Variants in RALYL observed in about 807,000 individuals in gnomAD.
RALYL encodes RALY RNA binding protein like, also known as RNA-binding Raly-like protein.
In RALYL, 29 loss-of-function variants were observed where a neutral mutation model predicts 35.1. The ratio of observed to expected loss-of-function variants is 0.83; its 90% CI spans 0.61 to 1.13. The LOEUF (loss-of-function observed/expected upper bound fraction) is 1.13, where lower values mean the gene tolerates loss of function less well. Ranked by LOEUF, RALYL falls within the 50% of genes most tolerant of loss-of-function variation. The pLI, the probability that RALYL is intolerant of heterozygous loss-of-function variation, is 0.00. For missense variants in RALYL, 359 were observed against 360.4 expected, an observed-to-expected ratio of 1.00 and a Z score of 0.03; for synonymous variants, 120 against 127.6, an observed-to-expected ratio of 0.94 and a Z score of 0.40.
intron 2 of RALYL, among the ~76,000 whole-genome samples, chr8:84,548,322 G>A (rs1039520): frequency 0.51 from 76,804 of 151,852 alleles, 19,513 homozygotes; most frequent in East Asian, 0.66. Context: ...CAAATATTTC[G>A]AGTTCTGTCG....
chr8:84,437,634 C>G (rs1355035929), intron 1 of RALYL, among the ~76,000 whole-genome samples: 1 of 151,948 alleles, frequency 6.6e-6, no homozygotes, highest in Non-Finnish European at 1.5e-5. Flanking sequence ...TTTGTCCCTG[C>G]CCAAATCTCA....
chr8:84,290,295 CTT>C (rs1838506966), intron 1 of RALYL, among the ~76,000 whole-genome samples: 1 of 152,132 alleles, frequency 6.6e-6, no homozygotes, highest in Non-Finnish European at 1.5e-5. Context: ...ATAGTCACCT[CTT>C]GTTTTCATGC....
intron 1 of RALYL, among the ~76,000 whole-genome samples, chr8:84,189,118 T>G (rs1406863723): frequency 6.6e-6 from 1 of 152,176 alleles, no homozygotes; most frequent in East Asian, 1.9e-4. Flanking sequence ...CTCTAAGAGT[T>G]ATTTATTTGA....
chr8:84,700,928 A>G (rs1209490203), intron 2 of RALYL, among the ~76,000 whole-genome samples: 1 of 152,158 alleles, frequency 6.6e-6, no homozygotes, highest in African/African-American at 2.4e-5. Flanking sequence ...CCTTGAAAAA[A>G]CCTGAGGAAA....
chr8:84,901,685 T>C (rs1341589427), intron 8 of RALYL, among the ~76,000 whole-genome samples: 1 of 152,164 alleles, frequency 6.6e-6, no homozygotes, highest in African/African-American at 2.4e-5. Context: ...GAGGATGTTT[T>C]ACCCTGAAGC....
chr8:84,467,635 C>G (rs201660166), intron 1 of RALYL, among the ~76,000 whole-genome samples: 16 of 151,898 alleles, frequency 1.1e-4, no homozygotes, highest in South Asian at 2.1e-4. Flanking sequence ...TTGGGGTGGA[C>G]AGTTCTGTAG....
intron 4 of RALYL, among the ~76,000 whole-genome samples, chr8:84,822,946 A>C (rs1428175522): frequency 6.6e-6 from 1 of 152,138 alleles, no homozygotes; most frequent in African/African-American, 2.4e-5. Flanking sequence ...AATTCCATTT[A>C]CGTTATATTG....
intron 2 of RALYL, among the ~76,000 whole-genome samples, chr8:84,653,999 T>C (rs1236583170): frequency 6.6e-6 from 1 of 151,124 alleles, no homozygotes; most frequent in Non-Finnish European, 1.5e-5. Flanking sequence ...GAACAAGGTT[T>C]GTATTTTGTT....
intron 1 of RALYL, among the ~76,000 whole-genome samples, chr8:84,298,770 G>T (rs976486892): frequency 6.6e-6 from 1 of 151,574 alleles, no homozygotes. Flanking sequence ...GAGATCTTTC[G>T]CCTCCCTGGT....
At chr8:84,431,842 C>T (rs767639659) in intron 1 of RALYL, among the ~76,000 whole-genome samples, 1 of 152,094 alleles carries the variant, frequency 6.6e-6, no homozygotes, top group Admixed American at 6.6e-5. Context: ...AATAGTGCTG[C>T]AATAAACATG....
intron 1 of RALYL, among the ~76,000 whole-genome samples, chr8:84,335,644 A>T (rs530467141): frequency 2.0e-5 from 3 of 150,416 alleles, no homozygotes; most frequent in African/African-American, 7.4e-5. Context: ...GAAAAAAAAT[A>T]CCATGCCATC....
At chr8:84,282,652 G>C (rs1199213764) in intron 1 of RALYL, among the ~76,000 whole-genome samples, 2 of 151,726 alleles carry the variant, frequency 1.3e-5, no homozygotes, top group African/African-American at 4.8e-5. Context: ...AGAGGAGAAT[G>C]CTATGTTGAT....
intron 1 of RALYL, chr8:84,346,208 T>A: frequency 3.0e-6 from 1 of 335,950 alleles, no homozygotes; most frequent in Non-Finnish European, 4.2e-6. Flanking sequence ...TAAATGTATT[T>A]AAGCAAATTG....
At chr8:84,252,607 C>T (rs539084264) in intron 1 of RALYL, among the ~76,000 whole-genome samples, 7 of 152,244 alleles carry the variant, frequency 4.6e-5, no homozygotes, top group Admixed American at 2.0e-4. Flanking sequence ...TCACAGATAG[C>T]TAGCGTTCCT....
chr8:84,403,522 C>CT (rs2043136000), intron 1 of RALYL, among the ~76,000 whole-genome samples: 39 of 52,136 alleles, frequency 7.5e-4, no homozygotes, highest in African/African-American at 1.5e-3. Flanking sequence ...GTCTATATCT[C>CT]TGTTTTTTTT....
intron 1 of RALYL, among the ~76,000 whole-genome samples, chr8:84,387,743 G>A (rs534592267): frequency 1.3e-4 from 19 of 151,014 alleles, no homozygotes; most frequent in African/African-American, 4.6e-4. Context: ...AGCAATTCCA[G>A]AATCTCCTTC....
intron 1 of RALYL, among the ~76,000 whole-genome samples, chr8:84,518,134 C>T (rs2058197633): frequency 6.6e-6 from 1 of 152,152 alleles, no homozygotes; most frequent in Non-Finnish European, 1.5e-5. Flanking sequence ...CAACAAATGT[C>T]TAGTGAACTA....
intron 1 of RALYL, among the ~76,000 whole-genome samples, chr8:84,490,223 C>G (rs1587731599): frequency 6.6e-6 from 1 of 151,842 alleles, no homozygotes; most frequent in Non-Finnish European, 1.5e-5. Context: ...TTTCATCTCA[C>G]CCTGCCCATT....
At chr8:84,284,085 T>C (rs1443727803) in intron 1 of RALYL, among the ~76,000 whole-genome samples, 3 of 152,114 alleles carry the variant, frequency 2.0e-5, no homozygotes, top group Non-Finnish European at 4.4e-5. Context: ...ACAAATCAAA[T>C]AGGCGGACAT....
Sources: allele counts gnomAD v4.1 joint callset (sites outside exome capture counted in the v4.1 genomes callset), GRCh38; gene constraint gnomAD v4.1.1; transcripts MANE v1.5; gene names NCBI Gene and HGNC (gene_info 2026-07-23, HGNC 2026-07-21).